ARHGEF2: variants seen among roughly 807,000 people sequenced by gnomAD.
ARHGEF2 encodes the protein rho guanine nucleotide exchange factor 2.
Under a neutral mutation model 121.0 loss-of-function variants are expected in ARHGEF2, and 22 were observed. The observed-to-expected ratio is 0.18, with a 90% CI of 0.13 to 0.26. The LOEUF (loss-of-function observed/expected upper bound fraction) is 0.26. Among genes scored for constraint, ARHGEF2 ranks in the 10% least tolerant of loss-of-function variants. ARHGEF2 has a pLI of 1.00. For missense variants in ARHGEF2, 907 were observed against 1,336.0 expected, an observed-to-expected ratio of 0.68 and a Z score of 5.01; for synonymous variants, 487 against 530.0, an observed-to-expected ratio of 0.92 and a Z score of 1.11.
In ARHGEF2 at chr1:155,961,441, A is replaced by AT. The variant is rs1482025639; in HGVS notation, c.1468+219dup. Among the ~76,000 whole-genome samples the AT allele has an allele frequency of 6.6e-6, 1 of 151,944 alleles. No homozygotes were observed. Among genetic ancestry groups the AT allele is most frequent in the Non-Finnish European group, 1.5e-5 (1 of 67,992 alleles). ...AGGCGCCCACCACCACGCCCGGCGAATTTTTTGTATTTTCAGTAGAGACAG... is the reference window on the plus strand; with the variant it reads ...AGGCGCCCACCACCACGCCCGGCGAATTTTTTTGTATTTTCAGTAGAGACAG... On this transcript the variant is annotated intron_variant, in intron 11 of 21. Coordinates refer to ENST00000361247, the MANE Select transcript of ARHGEF2 (RefSeq NM_001162383.2). The surrounding 1 kb of genome is among the most constrained non-coding windows in gnomAD (Gnocchi z 4.7).
At chr1:155,955,327 G>A (rs936171579) in intron 13 of ARHGEF2, among the ~76,000 whole-genome samples, 1 of 151,938 alleles carries the variant, frequency 6.6e-6, no homozygotes, top group East Asian at 1.9e-4. Context: ...GTTTCGTCAC[G>A]TTGGCCAGGC....
intron 1 of ARHGEF2, among the ~76,000 whole-genome samples, chr1:155,971,486 G>A (rs1295784902): frequency 6.6e-6 from 1 of 151,062 alleles, no homozygotes; most frequent in African/African-American, 2.4e-5. Context: ...GGCTGAGGCA[G>A]GAGAATTGCT....
chr1:155,974,128 C>T (rs909216123), intron 1 of ARHGEF2, among the ~76,000 whole-genome samples: 1 of 152,090 alleles, frequency 6.6e-6, no homozygotes, highest in South Asian at 2.1e-4. Flanking sequence ...TCATGCGATC[C>T]AGCTGCCTTG....
intron 2 of ARHGEF2, chr1:155,968,755 T>G (rs2102680615): frequency 5.5e-6 from 1 of 182,264 alleles, no homozygotes; most frequent in Non-Finnish European, 1.2e-5. Flanking sequence ...CAGAGCCAGC[T>G]GCAAGGCTGG....
intron 1 of ARHGEF2, among the ~76,000 whole-genome samples, chr1:155,971,917 A>C (rs1680553879): frequency 6.6e-6 from 1 of 151,676 alleles, no homozygotes; most frequent in South Asian, 2.1e-4. Flanking sequence ...ATATATATAC[A>C]CACATAAGTA....
Position 155,952,974 on chromosome 1 carries a change from C to T in ARHGEF2, c.1784-146G>A, listed in dbSNP as rs1016869691. ...TTTGGCATTTATAAAAAAGAAAAAG[C>T]TTTCTGTTGGTCAGGTGTAGTGGCT... On this transcript the variant is annotated intron_variant, in intron 14 of 21. Transcript: ENST00000361247. 5.2e-6 allele frequency: 4 copies of T among 769,968 alleles called. No individual in the cohort carries two copies. In the African/African-American group the frequency reaches 7.0e-5, roughly 14 times the overall value. The allele number at this position is 769,968 out of a possible 1,614,324, so 47.7% of individuals were successfully genotyped here.
chr1:155,957,996 C>T, intron 12 of ARHGEF2, 114 bp from the exon 13 acceptor site: 1 of 1,132,978 alleles, frequency 8.8e-7, no homozygotes, highest in African/African-American at 1.6e-5. Flanking sequence ...TCTTACAATA[C>T]CAGTTAAGAG....
At position 155,950,414 on chromosome 1, in the gene ARHGEF2, G is replaced by A. The variant is rs1488773900; in HGVS notation, c.2772C>T (p.Asp924=). 6.2e-7 allele frequency: 1 copy of A among 1,614,092 alleles called. No homozygotes were observed. The highest frequency in any genetic ancestry group is 1.7e-5 in the Admixed American group (1 of 60,016). Reference sequence around the variant, plus strand: ...GGCTCCCCAGTTCCTGCCTCTCTCGGTCCTCAAAGTTTCGATGGACAGAGC... The same window carrying A: ...GGCTCCCCAGTTCCTGCCTCTCTCGATCCTCAAAGTTTCGATGGACAGAGC... The part of the protein sequence containing the change: ...TTRSVHRNFE[D]RERQELGSPE... Residue 924 remains aspartate (D), a synonymous_variant, in exon 21 of 22, where the codon GAC becomes GAT. Coordinates refer to ENST00000361247, the MANE Select transcript of ARHGEF2 (RefSeq NM_001162383.2). The surrounding 1 kb of genome is among the most constrained non-coding windows in gnomAD (Gnocchi z 5.2).
intron 1 of ARHGEF2, chr1:155,970,248 C>G (rs1229536385): frequency 5.1e-6 from 5 of 985,376 alleles, no homozygotes; most frequent in Non-Finnish European, 6.0e-6. Flanking sequence ...TTCCTCGGAG[C>G]CTCTGAGCCG....
intron 7 of ARHGEF2, among the ~76,000 whole-genome samples, chr1:155,964,144 CAAAA>C (rs71576039): frequency 0.63 from 34,754 of 55,394 alleles, 11,596 homozygotes; most frequent in Middle Eastern, 0.83. Flanking sequence ...GACTCTGCTT[CAAAA>C]AAAAAAAAAA....
chr1:155,951,539 G>A lies in ARHGEF2; in HGVS notation c.2209-6C>T. 6.2e-7 allele frequency: 1 copy of A among 1,614,184 alleles called. No homozygotes were observed. The highest frequency in any genetic ancestry group is 8.5e-7 in the Non-Finnish European group (1 of 1,180,024). On this transcript the variant is annotated splice_polypyrimidine_tract_variant and splice_region_variant and intron_variant, in intron 18 of 21. Transcript: ENST00000361247. This position sits in a 1 kb window ranked among gnomAD's most constrained non-coding sequence, Gnocchi z 5.1. The stretch of plus-strand genomic sequence containing the variant: ...ACCAATCGCTGTAACGCCTCCTGAG[G>A]ACAGACAGGGTGGGAACAGGGCCCC...
chr1:155,963,777 T>A (rs1678474204), intron 7 of ARHGEF2, among the ~76,000 whole-genome samples: 1 of 152,048 alleles, frequency 6.6e-6, no homozygotes, highest in African/African-American at 2.4e-5. Flanking sequence ...GCTCAAGCGA[T>A]CCTCCTGTCT....
chr1:155,978,039 A>C lies in ARHGEF2; in HGVS notation c.63+326T>G. 3.8e-6 allele frequency: 4 copies of C among 1,047,332 alleles called. No homozygotes were observed. The highest frequency in any genetic ancestry group is 1.7e-5 in the African/African-American group (1 of 59,232). The allele number at this position is 1,047,332 out of a possible 1,614,324, so 64.9% of individuals were successfully genotyped here. Reference sequence around the variant, plus strand: ...CACCGCCCCCACCCGCGAGACACACACCTCCCTCTTCCCGCTCCGTCCCTT... The same window carrying C: ...CACCGCCCCCACCCGCGAGACACACCCCTCCCTCTTCCCGCTCCGTCCCTT... On this transcript the variant is annotated intron_variant, in intron 1 of 21. Coordinates refer to ENST00000361247, the MANE Select transcript of ARHGEF2 (RefSeq NM_001162383.2). This position sits in a 1 kb window ranked among gnomAD's most constrained non-coding sequence, Gnocchi z 4.1.
upstream of ARHGEF2, chr1:155,978,618 T>G (rs2102703420): frequency 8.0e-7 from 1 of 1,244,166 alleles, no homozygotes; most frequent in Non-Finnish European, 1.0e-6. The surrounding 1 kb of genome is among the most constrained non-coding windows in gnomAD (Gnocchi z 4.1). Flanking sequence ...AGGAAGGGGG[T>G]AGGCGGAGCG....
At chr1:155,975,028 A>G (rs942459982) in intron 1 of ARHGEF2, among the ~76,000 whole-genome samples, 2 of 148,158 alleles carry the variant, frequency 1.3e-5, no homozygotes, top group African/African-American at 5.0e-5. Flanking sequence ...GGAAGGGTCC[A>G]GCCAGCTCCT....
At chr1:155,977,482 C>G (rs1266971050) in intron 1 of ARHGEF2, among the ~76,000 whole-genome samples, 1 of 151,890 alleles carries the variant, frequency 6.6e-6, no homozygotes. Flanking sequence ...TGAAGGGACC[C>G]CAAGACGAGC....
chr1:155,963,190 G>C lies in ARHGEF2; in HGVS notation c.725-7C>G. ...AGCTCTGTCTGGATTAGCTCTGTGG[G>C]GGACATTGGGACATTTGGCCTCTAC... On this transcript the variant is annotated splice_region_variant and splice_polypyrimidine_tract_variant and intron_variant, in intron 7 of 21. Transcript: ENST00000361247. 6.2e-7 allele frequency: 1 copy of C among 1,603,424 alleles called. No individual in the cohort carries two copies. Among genetic ancestry groups the C allele is most frequent in the Non-Finnish European group, 8.5e-7 (1 of 1,177,052 alleles).
At chr1:155,964,124 G>A (rs1342128975) in intron 7 of ARHGEF2, among the ~76,000 whole-genome samples, 2 of 124,906 alleles carry the variant, frequency 1.6e-5, no homozygotes, top group African/African-American at 3.3e-5. Flanking sequence ...CAGCATGGGC[G>A]ACAGAGCAAG....
intron 14 of ARHGEF2, among the ~76,000 whole-genome samples, chr1:155,953,239 C>A (rs949113323): frequency 1.2e-4 from 17 of 145,606 alleles, no homozygotes; most frequent in African/African-American, 4.0e-4. Flanking sequence ...GCACTCCAGC[C>A]TGGGCGACAC....
Sources: gnomAD v4.1 joint callset for allele counts (sites outside exome capture counted in the v4.1 genomes callset) on GRCh38, gnomAD v4.1.1 for gene constraint, Gnocchi (gnomAD v3.1) non-coding constraint, MANE v1.5 for transcripts, NCBI Gene and HGNC (gene_info 2026-07-23, HGNC 2026-07-21) for gene names.